Variants in NRG3 observed in about 807,000 individuals in gnomAD.
NRG3 encodes the protein pro-neuregulin-3, membrane-bound isoform.
NRG3 carries 31 observed loss-of-function variants against 66.9 expected under a neutral mutation model. The observed-to-expected ratio is 0.46, with a 90% CI of 0.35 to 0.63. NRG3 has a LOEUF of 0.63. Among genes scored for constraint, NRG3 ranks in the 20% least tolerant of loss-of-function variants. The probability of loss-of-function intolerance (pLI) is 0.00; values close to 1 mark genes in which losing one functional copy is unlikely to be tolerated. For synonymous variants in NRG3, 393 were observed against 359.4 expected (o/e 1.09, Z -1.06); for missense variants, 910 against 878.9 (o/e 1.04, Z -0.45).
chr10:82,447,656 T>G (rs1452130777), intron 2 of NRG3, among the ~76,000 whole-genome samples: 2 of 152,266 alleles, frequency 1.3e-5, no homozygotes, highest in Non-Finnish European at 2.9e-5. Context: ...CTCATTGTTG[T>G]ATTCTATGTA....
intron 2 of NRG3, among the ~76,000 whole-genome samples, chr10:82,490,883 A>G (rs551004064): frequency 6.6e-6 from 1 of 152,220 alleles, no homozygotes; most frequent in South Asian, 2.1e-4. Flanking sequence ...TAAATATTTA[A>G]TGGGATTTCC....
At chr10:82,691,680 G>A (rs999500087) in intron 2 of NRG3, among the ~76,000 whole-genome samples, 2 of 152,102 alleles carry the variant, frequency 1.3e-5, no homozygotes, top group Non-Finnish European at 2.9e-5. Context: ...TAAGAAACTG[G>A]AACTTATGAT....
At chr10:82,431,104 A>T (rs575670013) in intron 2 of NRG3, among the ~76,000 whole-genome samples, 4 of 152,114 alleles carry the variant, frequency 2.6e-5, no homozygotes, top group Admixed American at 6.6e-5. Context: ...GTATCACCAC[A>T]TCAGAAAGCT....
chr10:82,745,870 A>G (rs2058620163), intron 3 of NRG3, among the ~76,000 whole-genome samples: 1 of 152,144 alleles, frequency 6.6e-6, no homozygotes, highest in Non-Finnish European at 1.5e-5. Flanking sequence ...TTTCTGTGGC[A>G]TACATATGTA....
intron 1 of NRG3, among the ~76,000 whole-genome samples, chr10:81,949,353 T>C (rs1379821387): frequency 6.6e-6 from 1 of 152,194 alleles, no homozygotes; most frequent in Non-Finnish European, 1.5e-5. Flanking sequence ...ATAAATTCTT[T>C]ACTACACACA....
At chr10:82,853,612 G>T (rs2063668407) in intron 3 of NRG3, among the ~76,000 whole-genome samples, 1 of 151,990 alleles carries the variant, frequency 6.6e-6, no homozygotes, top group Admixed American at 6.6e-5. Context: ...GATTGCTGTT[G>T]GTGTAGAGCA....
rs982235942 is a variant in NRG3, at chr10:82,151,127, CAG to C, written c.824-207607_824-207606del. Among the ~76,000 whole-genome samples, 17 of 152,208 alleles carry C rather than the reference CAG, an allele frequency of 1.1e-4. No homozygotes were observed. The East Asian group carries it at 1.2e-3, about 10-fold the overall frequency. ...ACTCAGCTTAGCAAAGGGGCGAAGC[CAG>C]AGAGGGATATAAAGGAACAGAGGAA... On this transcript the variant is annotated intron_variant, in intron 1 of 8. Transcript: ENST00000372141.
intron 1 of NRG3, among the ~76,000 whole-genome samples, chr10:82,137,024 T>C (rs2132589313): frequency 6.6e-6 from 1 of 152,340 alleles, no homozygotes; most frequent in African/African-American, 2.4e-5. Context: ...GGTACTGTGA[T>C]TACTCACCTG....
chr10:82,706,345 A>ATCTT (rs1014749305), intron 2 of NRG3, among the ~76,000 whole-genome samples: 1 of 152,138 alleles, frequency 6.6e-6, no homozygotes, highest in African/African-American at 2.4e-5. Context: ...GGGATTTGAA[A>ATCTT]TCTTTATATA....
chr10:82,778,698 G>C (rs1349693851), intron 3 of NRG3, among the ~76,000 whole-genome samples: 1 of 152,108 alleles, frequency 6.6e-6, no homozygotes, highest in Non-Finnish European at 1.5e-5. Flanking sequence ...CTCAAGTATG[G>C]CTTCTTGGCT....
At chr10:81,897,889 C>A (rs1194137348) in intron 1 of NRG3, among the ~76,000 whole-genome samples, 1 of 152,112 alleles carries the variant, frequency 6.6e-6, no homozygotes. Context: ...GGGGATGTTA[C>A]TATCTCTAGT....
chr10:82,751,830 T>C (rs1283395909), intron 3 of NRG3, among the ~76,000 whole-genome samples: 1 of 152,200 alleles, frequency 6.6e-6, no homozygotes, highest in East Asian at 1.9e-4. Context: ...CTTAAATATC[T>C]ATTGCTATAG....
intron 1 of NRG3, among the ~76,000 whole-genome samples, chr10:82,182,855 A>C (rs1025709100): frequency 2.6e-4 from 39 of 152,102 alleles, no homozygotes; most frequent in African/African-American, 9.4e-4. Flanking sequence ...TCATCTGAGA[A>C]AGTACATACC....
chr10:82,049,137 G>A (rs1291785110), intron 1 of NRG3, among the ~76,000 whole-genome samples: 1 of 152,028 alleles, frequency 6.6e-6, no homozygotes, highest in Admixed American at 6.6e-5. Flanking sequence ...TCTTCGTACG[G>A]TATAGGAAGA....
At chr10:82,936,016 A>G (rs1338448191) in intron 4 of NRG3, among the ~76,000 whole-genome samples, 1 of 152,144 alleles carries the variant, frequency 6.6e-6, no homozygotes, top group Non-Finnish European at 1.5e-5. Flanking sequence ...AGTAATTAGG[A>G]AGCAGTGTAT....
chr10:82,557,115 C>A (rs2044703182), intron 2 of NRG3, among the ~76,000 whole-genome samples: 1 of 152,132 alleles, frequency 6.6e-6, no homozygotes, highest in African/African-American at 2.4e-5. Flanking sequence ...ATGCATGTGA[C>A]TTTATGGTAG....
chr10:82,820,204 A>G (rs989861636), intron 3 of NRG3, among the ~76,000 whole-genome samples: 6 of 152,236 alleles, frequency 3.9e-5, no homozygotes, highest in Non-Finnish European at 7.3e-5. Context: ...TAGATCTATC[A>G]GTTATACTTT....
intron 1 of NRG3, among the ~76,000 whole-genome samples, chr10:81,996,171 C>T (rs984377372): frequency 1.3e-5 from 2 of 152,190 alleles, no homozygotes; most frequent in East Asian, 3.8e-4. Flanking sequence ...TAATGCATCT[C>T]ATGGCCATTA....
At chr10:82,513,201 G>A (rs1845355355) in intron 2 of NRG3, among the ~76,000 whole-genome samples, 1 of 152,146 alleles carries the variant, frequency 6.6e-6, no homozygotes, top group African/African-American at 2.4e-5. Flanking sequence ...GTGAGAACAT[G>A]CAGTATTTGA....
Sources: allele counts gnomAD v4.1 joint callset (sites outside exome capture counted in the v4.1 genomes callset), GRCh38; gene constraint gnomAD v4.1.1; transcripts MANE v1.5; gene names NCBI Gene and HGNC (gene_info 2026-07-23, HGNC 2026-07-21).